The following RUNX2 variants were observed in gnomAD, a reference collection of about 807,000 sequenced individuals.
RUNX2 encodes RUNX family transcription factor 2, also known as runt-related transcription factor 2.
RUNX2 carries 10 observed loss-of-function variants against 51.7 expected under a neutral mutation model. The ratio of observed to expected loss-of-function variants is 0.19; its 90% CI spans 0.12 to 0.33. The LOEUF (loss-of-function observed/expected upper bound fraction) is 0.33, where lower values mean the gene tolerates loss of function less well. RUNX2 is among the 10% of genes least tolerant of loss of function. RUNX2 has a pLI of 1.00. For missense variants in RUNX2, 562 were observed against 691.3 expected, an observed-to-expected ratio of 0.81 and a Z score of 2.10; for synonymous variants, 276 against 273.6, an observed-to-expected ratio of 1.01 and a Z score of -0.09.
intron 7 of RUNX2, among the ~76,000 whole-genome samples, chr6:45,525,357 C>T (rs973741358): frequency 3.9e-5 from 6 of 152,170 alleles, no homozygotes; most frequent in African/African-American, 1.4e-4. Flanking sequence ...AGCAGTTGCT[C>T]AATAAAATTG....
At chr6:45,373,164 A>G (rs1364363744) in intron 2 of RUNX2, among the ~76,000 whole-genome samples, 1 of 151,536 alleles carries the variant, frequency 6.6e-6, no homozygotes, top group South Asian at 2.1e-4. Flanking sequence ...ATTGCCCATC[A>G]CTCTTAGGCT....
At chr6:45,419,048 A>G (rs185782408) in intron 2 of RUNX2, among the ~76,000 whole-genome samples, 1 of 152,328 alleles carries the variant, frequency 6.6e-6, no homozygotes, top group African/African-American at 2.4e-5. Context: ...CACCAAATAA[A>G]ACAAAGGACA....
intron 6 of RUNX2, among the ~76,000 whole-genome samples, chr6:45,500,829 C>T (rs887998131): frequency 3.3e-5 from 5 of 152,146 alleles, no homozygotes; most frequent in African/African-American, 4.8e-5. Flanking sequence ...TCTGCTAGGA[C>T]TAGGTAGGAT....
Position 45,493,591 on chromosome 6 carries a change from T to C in RUNX2, c.859+1477T>C, listed in dbSNP as rs571983593. On this transcript the variant is annotated intron_variant, in intron 6 of 8. Coordinates refer to ENST00000647337, the MANE Select transcript of RUNX2 (RefSeq NM_001024630.4). ...TTATGGGTGCACTAAAAGCCCAGAC[T>C]TCACCTCTATGCACTATATGCATAT... Among the ~76,000 whole-genome samples the C allele has an allele frequency of 2.6e-5, 4 of 152,188 alleles. No homozygotes were observed. In the East Asian group the frequency reaches 7.7e-4, roughly 29 times the overall value.
At chr6:45,487,878 G>T (rs911759225) in intron 5 of RUNX2, among the ~76,000 whole-genome samples, 1 of 152,164 alleles carries the variant, frequency 6.6e-6, no homozygotes, top group Non-Finnish European at 1.5e-5. Context: ...ATTATAGATT[G>T]TGGTGACTGC....
intron 2 of RUNX2, among the ~76,000 whole-genome samples, chr6:45,405,973 A>G (rs1797826003): frequency 6.6e-6 from 1 of 152,230 alleles, no homozygotes; most frequent in Non-Finnish European, 1.5e-5. Flanking sequence ...TATTTCATAC[A>G]GTTGTTGTCA....
chr6:45,515,293 G>A (rs563962016), intron 7 of RUNX2, among the ~76,000 whole-genome samples: 22 of 152,198 alleles, frequency 1.4e-4, no homozygotes, highest in Admixed American at 2.6e-4. Flanking sequence ...CATATATCAG[G>A]CAACTTCTTA....
At chr6:45,434,193 A>G (rs1798618471) in intron 4 of RUNX2, among the ~76,000 whole-genome samples, 1 of 152,188 alleles carries the variant, frequency 6.6e-6, no homozygotes, top group South Asian at 2.1e-4. Context: ...ATAACAGATC[A>G]CACTCTGAAA....
rs1276440880 is a variant in RUNX2 at position 45,472,150 on chromosome 6, T to C, written c.686-19791T>C. ...TTTAAGAAATTTCAAGATTTTTAGT[T>C]TATTTTTTATCTAAATAGTCCCCTG... On this transcript the variant is annotated intron_variant, in intron 5 of 8. Coordinates refer to ENST00000647337, the MANE Select transcript of RUNX2 (RefSeq NM_001024630.4). Among the ~76,000 whole-genome samples, 4 of 152,324 alleles carry C rather than the reference T, an allele frequency of 2.6e-5. No homozygotes were observed. The East Asian group carries it at 7.7e-4, about 29-fold the overall frequency.
At chr6:45,338,496 G>A (rs975967246) in intron 2 of RUNX2, among the ~76,000 whole-genome samples, 2 of 152,078 alleles carry the variant, frequency 1.3e-5, no homozygotes, top group East Asian at 3.9e-4. Context: ...AAGAAACTTT[G>A]ACAGCTACAA....
At chr6:45,470,398 C>A (rs1799762258) in intron 5 of RUNX2, among the ~76,000 whole-genome samples, 1 of 152,186 alleles carries the variant, frequency 6.6e-6, no homozygotes, top group Admixed American at 6.5e-5. Flanking sequence ...CAATTAAAAA[C>A]CAGCTCTTCT....
chr6:45,491,622 GT>G (rs34040641), intron 5 of RUNX2, among the ~76,000 whole-genome samples: 1,098 of 93,480 alleles, frequency 0.012, 13 homozygotes, highest in Admixed American at 0.036. Context: ...TCTCCTGTTT[GT>G]TTTTTTTTTT....
At chr6:45,500,453 A>G (rs975554863) in intron 6 of RUNX2, among the ~76,000 whole-genome samples, 1 of 152,242 alleles carries the variant, frequency 6.6e-6, no homozygotes, top group Non-Finnish European at 1.5e-5. Context: ...AGACTTTAAA[A>G]GACAAGATTT....
chr6:45,534,118 C>T (rs535045950), intron 7 of RUNX2, among the ~76,000 whole-genome samples: 61 of 152,204 alleles, frequency 4.0e-4, no homozygotes, highest in African/African-American at 1.5e-3. Context: ...TGGTCTCAAA[C>T]TCCTGGCCTC....
rs1021196965 is a variant in RUNX2 at position 45,421,036 on chromosome 6, C to A, written c.59-1557C>A. ...GGGGATCCAAAGTCGCTTTTTAAAC[C>A]CACACTAGGAAATAAATACATAAAT... On this transcript the variant is annotated intron_variant, in intron 2 of 8. Coordinates refer to ENST00000647337, the MANE Select transcript of RUNX2 (RefSeq NM_001024630.4). 9.2e-5 allele frequency: 14 copies of A among 152,232 alleles called. No individual in the cohort carries two copies. The South Asian group carries it at 1.0e-3, about 11-fold the overall frequency. 9.4% of individuals were successfully genotyped at this position (152,232 alleles called of 1,614,324 possible).
chr6:45,499,969 T>G (rs534991818), intron 6 of RUNX2, among the ~76,000 whole-genome samples: 7 of 152,308 alleles, frequency 4.6e-5, no homozygotes, highest in South Asian at 4.1e-4. Flanking sequence ...TGCATACCTG[T>G]CCCCTTTATT....
At chr6:45,340,656 T>G (rs981565076) in intron 2 of RUNX2, among the ~76,000 whole-genome samples, 1 of 152,056 alleles carries the variant, frequency 6.6e-6, no homozygotes, top group Non-Finnish European at 1.5e-5. Context: ...AAAAAAAGTT[T>G]CAAGGAATTA....
chr6:45,442,127 T>C (rs1782488730), intron 5 of RUNX2, among the ~76,000 whole-genome samples: 1 of 152,240 alleles, frequency 6.6e-6, no homozygotes, highest in South Asian at 2.1e-4. Flanking sequence ...GTTATAAAAC[T>C]TCCCTTTAAA....
chr6:45,482,851 C>G (rs1800153161), intron 5 of RUNX2, among the ~76,000 whole-genome samples: 1 of 152,298 alleles, frequency 6.6e-6, no homozygotes, highest in Non-Finnish European at 1.5e-5. Context: ...AATTGTTCTT[C>G]CTCTCTTCTC....
Sources: allele counts gnomAD v4.1 joint callset (sites outside exome capture counted in the v4.1 genomes callset), GRCh38; gene constraint gnomAD v4.1.1; transcripts MANE v1.5; gene names NCBI Gene and HGNC (gene_info 2026-07-23, HGNC 2026-07-21).